ANKIB1: variants seen among roughly 807,000 people sequenced by gnomAD.
The protein encoded by ANKIB1 is ankyrin repeat and IBR domain containing 1, also known as ankyrin repeat and IBR domain-containing protein 1.
ANKIB1 carries 43 observed loss-of-function variants against 122.1 expected under a neutral mutation model. The ratio of observed to expected loss-of-function variants is 0.35; its 90% confidence interval spans 0.28 to 0.45. ANKIB1 has a LOEUF of 0.45. Among genes scored for constraint, ANKIB1 ranks in the 20% least tolerant of loss-of-function variants. ANKIB1 has a pLI of 1.00. For synonymous variants in ANKIB1, 390 were observed against 442.0 expected (o/e 0.88, Z 1.48); for missense variants, 992 against 1,329.5 (o/e 0.75, Z 3.95).
intron 1 of ANKIB1, among the ~76,000 whole-genome samples, chr7:92,290,370 AGTGTGTGTGTGTGT>A (rs34404682): frequency 4.2e-5 from 6 of 141,412 alleles, no homozygotes; most frequent in Admixed American, 3.5e-4. Flanking sequence ...TATGTATGAA[AGTGTGTGTGTGTGT>A]GTGTGTGTGT....
chr7:92,398,136 G>C, intron 19 of ANKIB1, 76 bp from the exon 20 acceptor site: 1 of 1,421,398 alleles, frequency 7.0e-7, no homozygotes, highest in South Asian at 1.6e-5. Context: ...GGTAAAGGAA[G>C]AATGGTAAAC....
intron 5 of ANKIB1, among the ~76,000 whole-genome samples, chr7:92,338,933 AAT>A (rs1164398513): frequency 0.017 from 367 of 21,870 alleles, 5 homozygotes; most frequent in South Asian, 0.031. Context: ...AAAAAAAAAA[AAT>A]ATATATATAT....
At chr7:92,385,181 T>C (rs983044600) in intron 11 of ANKIB1, among the ~76,000 whole-genome samples, 1 of 152,158 alleles carries the variant, frequency 6.6e-6, no homozygotes, top group Non-Finnish European at 1.5e-5. Context: ...CACAATGAGA[T>C]ACCATCTCAC....
chr7:92,309,923 T>TAAAAA (rs869276384), intron 3 of ANKIB1, among the ~76,000 whole-genome samples: 12 of 96,046 alleles, frequency 1.2e-4, no homozygotes, highest in South Asian at 7.4e-4. Context: ...AGACTCCATC[T>TAAAAA]AAAAAAAAAA....
At chr7:92,310,198 G>C (rs1802662243) in intron 3 of ANKIB1, among the ~76,000 whole-genome samples, 1 of 151,822 alleles carries the variant, frequency 6.6e-6, no homozygotes, top group Admixed American at 6.6e-5. Context: ...ATGTAAATGT[G>C]TGTGTGTGCT....
chr7:92,327,532 C>T (rs1803053073), intron 4 of ANKIB1, among the ~76,000 whole-genome samples: 2 of 151,904 alleles, frequency 1.3e-5, no homozygotes. Context: ...TTAACTAGTA[C>T]AATGCAAATA....
At chr7:92,287,784 C>G (rs1441760614) in intron 1 of ANKIB1, among the ~76,000 whole-genome samples, 1 of 151,932 alleles carries the variant, frequency 6.6e-6, no homozygotes, top group Non-Finnish European at 1.5e-5. Context: ...GCCTGTAATC[C>G]CAGCACTTTG....
At chr7:92,333,842 GTTGTTT>G (rs902566302) in intron 5 of ANKIB1, among the ~76,000 whole-genome samples, 36 of 152,194 alleles carry the variant, frequency 2.4e-4, no homozygotes, top group African/African-American at 7.9e-4. Context: ...AGTTATATTA[GTTGTTT>G]TTACTTTTAT....
chr7:92,307,490 CAGA>C lies in ANKIB1; in HGVS notation c.324_326del (p.Glu108del), dbSNP rs770398654. Reference sequence around the variant, plus strand: ...CTTCATCCTCGCTTGGCACGCCCCACAGAAGATGATTTCAGAAGAGCAGATTGT... The same window carrying C: ...CTTCATCCTCGCTTGGCACGCCCCACAGATGATTTCAGAAGAGCAGATTGT... On this transcript the variant is annotated inframe_deletion, in exon 3 of 20. Coordinates refer to ENST00000265742, the MANE Select transcript of ANKIB1 (RefSeq NM_019004.2). 1.2e-6 allele frequency: 2 copies of C among 1,613,872 alleles called. No homozygotes were observed. The highest frequency in any genetic ancestry group is 1.1e-5 in the South Asian group (1 of 91,074).
intron 1 of ANKIB1, among the ~76,000 whole-genome samples, chr7:92,267,401 C>A (rs1562765371): frequency 1.3e-5 from 2 of 152,078 alleles, no homozygotes. Context: ...TTATGTCTCC[C>A]AAGAGTGACT....
Position 92,295,105 on chromosome 7 carries a change from C to A in ANKIB1, c.127C>A (p.Pro43Thr). The A allele has an allele frequency of 6.3e-7, 1 of 1,579,310 alleles. No homozygotes were observed. Among genetic ancestry groups the A allele is most frequent in the Non-Finnish European group, 8.6e-7 (1 of 1,161,540 alleles). The part of the protein sequence containing the change: ...SLDPNTSYGE[P>T]YQHNTPLHYA... The stretch of plus-strand genomic sequence containing the variant: ...TGATCCAAATACATCTTATGGGGAG[C>A]CCTACCAGCACAATACTCCATTACA... The change falls in exon 2 of 20, where the codon CCC becomes ACC. Residue 43 changes from proline to threonine, a missense_variant. Pro to Thr is a conservative substitution (Grantham distance 38, BLOSUM62 -1). Transcript: ENST00000265742.
intron 5 of ANKIB1, among the ~76,000 whole-genome samples, chr7:92,336,094 T>G (rs1803281472): frequency 6.6e-6 from 1 of 152,070 alleles, no homozygotes; most frequent in Non-Finnish European, 1.5e-5. Context: ...ATTATTATAG[T>G]ACATAATCAT....
rs544963460 is a variant in ANKIB1, at chr7:92,398,875, G to A, written c.3196G>A (p.Gly1066Arg). The A allele has an allele frequency of 6.2e-7, 1 of 1,606,422 alleles. No individual in the cohort carries two copies. Among genetic ancestry groups the A allele is most frequent in the South Asian group, 1.1e-5 (1 of 89,630 alleles). Residue 1066 changes from glycine (G) to arginine (R), a missense_variant, in exon 20 of 20, where the codon GGA becomes AGA. This residue lies in a region of ANKIB1 where 384 missense variants were observed against 412.0 expected (regional missense o/e 0.93). Transcript: ENST00000265742. ...GDSGNEAANR[G>R]DGSDVSSQTP... ...CAGTGGTAACGAGGCAGCCAACAGA[G>A]GAGATGGTTCAGATGTTTCAAGTCA...
chr7:92,379,990 G>C (rs1804474574), intron 11 of ANKIB1, among the ~76,000 whole-genome samples: 1 of 152,170 alleles, frequency 6.6e-6, no homozygotes, highest in Admixed American at 6.5e-5. Context: ...CCCTTTCCTA[G>C]CCAAGAGAAG....
At chr7:92,318,028 T>C (rs938569368) in intron 3 of ANKIB1, among the ~76,000 whole-genome samples, 2 of 152,210 alleles carry the variant, frequency 1.3e-5, no homozygotes, top group South Asian at 4.1e-4. Flanking sequence ...GTCAGACTTG[T>C]ATCTGAATCC....
intron 9 of ANKIB1, among the ~76,000 whole-genome samples, chr7:92,359,928 A>G (rs1342123506): frequency 6.6e-6 from 1 of 152,034 alleles, no homozygotes; most frequent in Non-Finnish European, 1.5e-5. Flanking sequence ...AATCAACCCA[A>G]TATTTTTTGA....
At chr7:92,380,396 G>C (rs1382936626) in intron 11 of ANKIB1, among the ~76,000 whole-genome samples, 1 of 152,164 alleles carries the variant, frequency 6.6e-6, no homozygotes, top group African/African-American at 2.4e-5. Flanking sequence ...TCCCAGCATG[G>C]TGTTTGAGCT....
rs371517724 is a variant in ANKIB1, at chr7:92,380,529, A to C, written c.1618-5980A>C. 3.1e-4 allele frequency among the ~76,000 whole-genome samples: 47 copies of C among 152,278 alleles called. 1 individual carries two copies. The highest frequency in any genetic ancestry group is 9.6e-4 in the African/African-American group (40 of 41,558). ...AGCCAGGTGCCCCTCTGAGACGAAGATTCCAGAGGAAGGACCAGGCAGCAA... is the reference window on the plus strand; with the variant it reads ...AGCCAGGTGCCCCTCTGAGACGAAGCTTCCAGAGGAAGGACCAGGCAGCAA... On this transcript the variant is annotated intron_variant, in intron 11 of 19. Transcript: ENST00000265742.
At chr7:92,253,558 A>G (rs940391125) in intron 1 of ANKIB1, among the ~76,000 whole-genome samples, 11 of 152,240 alleles carry the variant, frequency 7.2e-5, no homozygotes, top group African/African-American at 2.7e-4. Flanking sequence ...ACATATTCTA[A>G]TAGTTAATTT....
Sources: allele counts gnomAD v4.1 joint callset (sites outside exome capture counted in the v4.1 genomes callset), GRCh38; gene constraint gnomAD v4.1.1; regional missense constraint gnomAD v4.1.1; transcripts MANE v1.5; gene names NCBI Gene and HGNC (gene_info 2026-07-23, HGNC 2026-07-21).